The following CSMD1 variants were observed in gnomAD, a reference collection of about 807,000 sequenced individuals.
The protein encoded by CSMD1 is CUB and sushi domain-containing protein 1.
CSMD1 carries 213 observed loss-of-function variants against 417.5 expected under a neutral mutation model. That is an observed-to-expected ratio of 0.51 (90% CI 0.46 to 0.57). The LOEUF is 0.57. Among genes scored for constraint, CSMD1 ranks in the 20% least tolerant of loss-of-function variants. The pLI is 0.00. For missense variants in CSMD1, 6,923 were observed against 4,529.7 expected (o/e 1.53, Z -15.17); for synonymous variants, 2,862 against 1,736.8 (o/e 1.65, Z -16.11).
chr8:3,072,349 T>A (rs1292624716), intron 49 of CSMD1, among the ~76,000 whole-genome samples: 1 of 152,164 alleles, frequency 6.6e-6, no homozygotes. Flanking sequence ...GAATCAACAA[T>A]GAAGATTTTA....
At chr8:3,232,054 C>G (rs1798872523) in intron 26 of CSMD1, among the ~76,000 whole-genome samples, 1 of 152,196 alleles carries the variant, frequency 6.6e-6, no homozygotes, top group Non-Finnish European at 1.5e-5. Context: ...AAATGAACAT[C>G]TGTGCTACCA....
chr8:3,459,420 C>A (rs998168520), intron 12 of CSMD1, among the ~76,000 whole-genome samples: 1 of 152,122 alleles, frequency 6.6e-6, no homozygotes, highest in African/African-American at 2.4e-5. Context: ...AGCACCAGTG[C>A]CACAGGAATA....
chr8:3,418,861 C>G (rs1813316620), intron 12 of CSMD1, among the ~76,000 whole-genome samples: 1 of 152,080 alleles, frequency 6.6e-6, no homozygotes, highest in South Asian at 2.1e-4. Flanking sequence ...TTATAGATTT[C>G]TTTTAAAGAC....
rs113333208 is a variant in CSMD1, at chr8:3,500,222, C to A, written c.1345-6496G>T. Reference sequence around the variant, plus strand: ...TCAGTACAGTGTTCTCCCCTAGACACTGCACTTGACATGTGCTTACCTACT... The same window carrying A: ...TCAGTACAGTGTTCTCCCCTAGACAATGCACTTGACATGTGCTTACCTACT... On this transcript the variant is annotated intron_variant, in intron 10 of 69. Transcript: ENST00000635120. Among the ~76,000 whole-genome samples, 19 of 152,306 alleles carry A rather than the reference C, an allele frequency of 1.2e-4. 1 individual carries two copies. Among genetic ancestry groups the A allele is most frequent in the African/African-American group, 3.4e-4 (14 of 41,568 alleles).
chr8:3,751,020 G>T (rs1010740707), intron 6 of CSMD1, among the ~76,000 whole-genome samples: 6 of 152,056 alleles, frequency 3.9e-5, no homozygotes, highest in Non-Finnish European at 8.8e-5. Context: ...TCTTCAGAGG[G>T]TGGTGTCTAG....
chr8:4,653,651 C>G (rs1804047668), intron 1 of CSMD1, among the ~76,000 whole-genome samples: 1 of 152,062 alleles, frequency 6.6e-6, no homozygotes, highest in African/African-American at 2.4e-5. Flanking sequence ...TTCCTGATCT[C>G]ATTGTGATCC....
chr8:3,339,442 TG>T (rs1807497634), intron 23 of CSMD1, among the ~76,000 whole-genome samples: 1 of 152,192 alleles, frequency 6.6e-6, no homozygotes, highest in African/African-American at 2.4e-5. Context: ...AAGCATTCCC[TG>T]GGTGATTTGG....
At chr8:4,488,067 C>A (rs1398708670) in intron 2 of CSMD1, among the ~76,000 whole-genome samples, 2 of 152,178 alleles carry the variant, frequency 1.3e-5, no homozygotes, top group African/African-American at 4.8e-5. Context: ...CTTTCTGTCT[C>A]TGCCATGTGA....
chr8:4,370,430 C>G (rs2128912555), intron 3 of CSMD1, among the ~76,000 whole-genome samples: 1 of 152,190 alleles, frequency 6.6e-6, no homozygotes, highest in East Asian at 1.9e-4. Context: ...AAAGGGTCAT[C>G]TTGTATAATA....
chr8:4,231,590 C>A (rs557210857), intron 3 of CSMD1, among the ~76,000 whole-genome samples: 1 of 152,158 alleles, frequency 6.6e-6, no homozygotes, highest in Non-Finnish European at 1.5e-5. Context: ...TGTTATAAAT[C>A]TGCATACAAT....
chr8:3,883,705 G>A (rs1360633280), intron 5 of CSMD1, among the ~76,000 whole-genome samples: 5 of 151,970 alleles, frequency 3.3e-5, no homozygotes, highest in Non-Finnish European at 5.9e-5. Flanking sequence ...TTATGGCATG[G>A]TTATGATTTA....
chr8:4,271,942 C>T (rs1804625124), intron 3 of CSMD1, among the ~76,000 whole-genome samples: 1 of 152,152 alleles, frequency 6.6e-6, no homozygotes, highest in Non-Finnish European at 1.5e-5. Flanking sequence ...ACCTGCCCTA[C>T]AGATCTCATG....
At chr8:3,102,649 A>G (rs1815841615) in intron 46 of CSMD1, among the ~76,000 whole-genome samples, 1 of 152,166 alleles carries the variant, frequency 6.6e-6, no homozygotes, top group African/African-American at 2.4e-5. Flanking sequence ...GAGGGAGGCC[A>G]CTCTCACCAA....
At position 3,688,051 on chromosome 8, in the gene CSMD1, G is replaced by C. The variant is rs59214315; in HGVS notation, c.1009+20363C>G. Among the ~76,000 whole-genome samples the C allele has an allele frequency of 9.8e-4, 149 of 152,260 alleles. 1 individual carries two copies. The East Asian group carries it at 0.013, about 14-fold the overall frequency. On this transcript the variant is annotated intron_variant, in intron 7 of 69. Transcript: ENST00000635120. ...ACCGAAATGGATTGCTTTGCTCACT[G>C]CATCTGCTTTTTGTTCCTCAGGAAG...
intron 2 of CSMD1, among the ~76,000 whole-genome samples, chr8:4,606,651 C>T (rs1019918220): frequency 3.9e-5 from 6 of 152,150 alleles, no homozygotes; most frequent in African/African-American, 1.4e-4. Context: ...TGCAGTCAAC[C>T]ATGATGTGTT....
At chr8:3,279,474 A>G (rs1394762916) in intron 26 of CSMD1, among the ~76,000 whole-genome samples, 1 of 152,194 alleles carries the variant, frequency 6.6e-6, no homozygotes, top group Non-Finnish European at 1.5e-5. Context: ...TATGCTTGCC[A>G]AGGTCCTTTA....
intron 1 of CSMD1, among the ~76,000 whole-genome samples, chr8:4,920,503 G>A (rs530203230): frequency 2.0e-4 from 30 of 152,230 alleles, no homozygotes; most frequent in African/African-American, 7.2e-4. Context: ...CAAGGATTTA[G>A]TTACTGGGGA....
Position 3,518,252 on chromosome 8 carries a change from T to C in CSMD1, c.1345-24526A>G, listed in dbSNP as rs1243745282. Among the ~76,000 whole-genome samples the C allele has an allele frequency of 5.9e-5, 9 of 152,344 alleles. No individual in the cohort carries two copies. In the East Asian group the frequency reaches 1.5e-3, roughly 26 times the overall value. Reference sequence around the variant, plus strand: ...GTTTTAATTTTCCTTCATAAATATGTTTCTTCAAATAAGAGAAAATTATAT... The same window carrying C: ...GTTTTAATTTTCCTTCATAAATATGCTTCTTCAAATAAGAGAAAATTATAT... On this transcript the variant is annotated intron_variant, in intron 10 of 69. Transcript: ENST00000635120.
At chr8:3,601,736 T>TAAC (rs758512015) in intron 8 of CSMD1, among the ~76,000 whole-genome samples, 2 of 152,210 alleles carry the variant, frequency 1.3e-5, no homozygotes, top group Non-Finnish European at 2.9e-5. Flanking sequence ...GAACATTGAA[T>TAAC]AACAACCAGT....
Sources: allele counts gnomAD v4.1 joint callset (sites outside exome capture counted in the v4.1 genomes callset), GRCh38; gene constraint gnomAD v4.1.1; transcripts MANE v1.5; gene names NCBI Gene and HGNC (gene_info 2026-07-23, HGNC 2026-07-21).